CAPS2: variants seen among roughly 807,000 people sequenced by gnomAD.
The protein encoded by CAPS2 is calcyphosin-2.
CAPS2 carries 98 observed loss-of-function variants against 86.5 expected under a neutral mutation model. The ratio of observed to expected loss-of-function variants is 1.13; its 90% CI spans 0.96 to 1.34. The LOEUF (loss-of-function observed/expected upper bound fraction) is 1.34, where lower values mean the gene tolerates loss of function less well. Ranked by LOEUF, CAPS2 falls within the 40% of genes most tolerant of loss-of-function variation. CAPS2 has a pLI of 0.00. For missense variants in CAPS2, 729 were observed against 686.8 expected, an observed-to-expected ratio of 1.06 and a Z score of -0.69; for synonymous variants, 210 against 225.1, an observed-to-expected ratio of 0.93 and a Z score of 0.60.
At chr12:75,304,972 A>C (rs1266989676) in intron 7 of CAPS2, 96 bp from the exon 8 acceptor site, 1 of 998,958 alleles carries the variant, frequency 1.0e-6, no homozygotes, top group Non-Finnish European at 1.4e-6. Flanking sequence ...TCATATACCA[A>C]ATGCAAATTT....
At chr12:75,316,569 T>C in intron 5 of CAPS2, 135 bp from the exon 6 acceptor site, 1 of 833,980 alleles carries the variant, frequency 1.2e-6, no homozygotes, top group South Asian at 3.3e-5. Flanking sequence ...GCTCTGAAAA[T>C]CAGATTGCTT....
intron 1 of CAPS2, among the ~76,000 whole-genome samples, chr12:75,341,172 T>C (rs1374552379): frequency 2.0e-5 from 3 of 152,218 alleles, no homozygotes; most frequent in Non-Finnish European, 4.4e-5. Context: ...TATTTATGGA[T>C]ACTCCCGATT....
chr12:75,306,310 G>A, intron 7 of CAPS2: 1 of 582,850 alleles, frequency 1.7e-6, no homozygotes, highest in East Asian at 3.4e-5. Flanking sequence ...AGAGCTCTGC[G>A]GGAGGCTAAT....
chr12:75,390,240 T>G, intron 1 of CAPS2: 1 of 445,314 alleles, frequency 2.2e-6, no homozygotes, highest in African/African-American at 2.0e-5. Flanking sequence ...TGTTTGGAGG[T>G]AAACAGATCA....
At chr12:75,277,591 G>T in exon 17 of CAPS2, 1 of 978,868 alleles carries the variant, frequency 1.0e-6, no homozygotes, top group Non-Finnish European at 1.2e-6. Flanking sequence ...TCCCTCTCAT[G>T]TTTTAGTATT....
intron 1 of CAPS2, among the ~76,000 whole-genome samples, chr12:75,388,242 G>A (rs992375012): frequency 2.0e-5 from 3 of 152,048 alleles, no homozygotes; most frequent in Non-Finnish European, 2.9e-5. Flanking sequence ...CTCCTCCTTC[G>A]TCTTCCACTA....
At chr12:75,354,311 A>T (rs1468757365) in intron 1 of CAPS2, among the ~76,000 whole-genome samples, 5 of 151,668 alleles carry the variant, frequency 3.3e-5, no homozygotes, top group Admixed American at 2.6e-4. Flanking sequence ...AGACAAAAAA[A>T]GTCACAAGCA....
chr12:75,297,591 CA>C (rs2037119597), intron 11 of CAPS2, among the ~76,000 whole-genome samples: 1 of 152,148 alleles, frequency 6.6e-6, no homozygotes, highest in South Asian at 2.1e-4. Context: ...TTCAAAATCA[CA>C]AATCTGATCA....
At chr12:75,292,678 CTA>C (rs937365273) in intron 12 of CAPS2, among the ~76,000 whole-genome samples, 2 of 144,650 alleles carry the variant, frequency 1.4e-5, no homozygotes, top group Non-Finnish European at 3.0e-5. Flanking sequence ...GTAATATAAT[CTA>C]TAATACATAT....
chr12:75,277,633 T>A, exon 17 of CAPS2: 2 of 984,788 alleles, frequency 2.0e-6, no homozygotes, highest in Non-Finnish European at 2.4e-6. Context: ...TCTTGAAAAG[T>A]GCAACTTTGA....
At chr12:75,316,686 A>G (rs968035728) in intron 5 of CAPS2, among the ~76,000 whole-genome samples, 6 of 152,152 alleles carry the variant, frequency 3.9e-5, no homozygotes, top group African/African-American at 9.6e-5. Context: ...CCCCAGAAAC[A>G]AAAAGGATTA....
At chr12:75,311,042 G>A (rs1649825844) in intron 7 of CAPS2, among the ~76,000 whole-genome samples, 1 of 152,162 alleles carries the variant, frequency 6.6e-6, no homozygotes, top group African/African-American at 2.4e-5. Context: ...GTTCTTTTAA[G>A]CTACTGAGTT....
At chr12:75,369,480 A>G in intron 1 of CAPS2, 2 of 962,960 alleles carry the variant, frequency 2.1e-6, no homozygotes, top group Non-Finnish European at 2.5e-6. Context: ...TAAGTAGATT[A>G]TTTCCTAATG....
intron 1 of CAPS2, among the ~76,000 whole-genome samples, chr12:75,338,309 G>A (rs2041869861): frequency 6.6e-6 from 1 of 151,952 alleles, no homozygotes; most frequent in African/African-American, 2.4e-5. Context: ...AACATAATCA[G>A]GAACAAAACT....
At chr12:75,384,406 T>G (rs1193990760) in intron 1 of CAPS2, among the ~76,000 whole-genome samples, 1 of 152,074 alleles carries the variant, frequency 6.6e-6, no homozygotes, top group Non-Finnish European at 1.5e-5. Context: ...ATAATCTAGA[T>G]GAACGGGCCA....
intron 1 of CAPS2, among the ~76,000 whole-genome samples, chr12:75,383,045 T>C (rs2045086383): frequency 6.6e-6 from 1 of 152,210 alleles, no homozygotes; most frequent in South Asian, 2.1e-4. Flanking sequence ...TCTACAACCA[T>C]TCAAACCTTA....
chr12:75,362,384 T>C (rs1361817227), intron 1 of CAPS2, among the ~76,000 whole-genome samples: 1 of 152,184 alleles, frequency 6.6e-6, no homozygotes, highest in Non-Finnish European at 1.5e-5. Context: ...GCCATGGTAT[T>C]CTCATGCACT....
At chr12:75,364,810 T>C (rs1166831191) in intron 1 of CAPS2, 3 of 152,176 alleles carry the variant, frequency 2.0e-5, no homozygotes, top group African/African-American at 7.2e-5. Context: ...AGGTGTCTGA[T>C]AAAAATTTTT....
At chr12:75,355,236 A>C (rs2043076336) in intron 1 of CAPS2, among the ~76,000 whole-genome samples, 1 of 152,236 alleles carries the variant, frequency 6.6e-6, no homozygotes, top group African/African-American at 2.4e-5. Flanking sequence ...TCCATCTGAC[A>C]AAGGTCTAAT....
Sources: allele counts gnomAD v4.1 joint callset (sites outside exome capture counted in the v4.1 genomes callset), GRCh38; gene constraint gnomAD v4.1.1; transcripts MANE v1.5; gene names NCBI Gene and HGNC (gene_info 2026-07-23, HGNC 2026-07-21).